FUS: variants seen among roughly 807,000 people sequenced by gnomAD.
FUS encodes FUS RNA binding protein.
A neutral mutation model predicts 82.7 loss-of-function variants in FUS; 5 were observed. The ratio of observed to expected loss-of-function variants is 0.06; its 90% confidence interval spans 0.03 to 0.13. The LOEUF (loss-of-function observed/expected upper bound fraction) is 0.13. Among genes scored for constraint, FUS ranks in the 10% least tolerant of loss-of-function variants. The pLI is 1.00. For synonymous variants in FUS, 281 were observed against 247.4 expected, an observed-to-expected ratio of 1.14 and a Z score of -1.27; for missense variants, 512 against 707.8, an observed-to-expected ratio of 0.72 and a Z score of 3.14.
rs767027467 is a variant in FUS at position 31,190,121 on chromosome 16, G to C, written c.1148G>C (p.Arg383Pro). 1 of 1,614,206 alleles carries C rather than the reference G, an allele frequency of 6.2e-7. No individual in the cohort carries two copies. The highest frequency in any genetic ancestry group is 1.7e-5 in the Admixed American group (1 of 60,026). Residue 383 changes from arginine to proline, a missense_variant, in exon 11 of 15, where the codon CGT (arginine) becomes CCT (proline). By Grantham distance (103) the Arg-to-Pro change is moderately radical. Around this residue, in one of 6 missense-constraint regions of FUS, gnomAD observed 63 missense variants for 83.0 expected, o/e 0.76. Transcript: ENST00000254108. ...ADFNRGGGNGRGGRGRGGPMG... is the reference protein window; with the variant it reads ...ADFNRGGGNGPGGRGRGGPMG... ...TTTAATCGGGGTGGTGGCAATGGTC[G>C]TGGAGGCCGAGGGCGAGGAGGTGAG...
At chr16:31,194,817 T>C (rs1211701826), downstream of FUS, 1 of 479,130 alleles carries the variant, frequency 2.1e-6, no homozygotes, top group Non-Finnish European at 4.1e-6. Flanking sequence ...GTTTTGTGAA[T>C]AATCAGACCA....
downstream of FUS, chr16:31,192,242 C>G (rs1358169695): frequency 7.6e-6 from 4 of 526,234 alleles, no homozygotes; most frequent in South Asian, 4.6e-5. Flanking sequence ...TAGGCTTGAT[C>G]CCTTTTTGAT....
chr16:31,186,971 G>A, intron 7 of FUS, 135 bp downstream of exon 7: 3 of 841,216 alleles, frequency 3.6e-6, no homozygotes, highest in East Asian at 2.5e-5. Context: ...GAAAGGGGTA[G>A]GGTAGAATGC....
At chr16:31,184,101 G>A in intron 4 of FUS, 99 bp downstream of exon 4, 1 of 1,612,296 alleles carries the variant, frequency 6.2e-7, no homozygotes, top group East Asian at 2.2e-5. Flanking sequence ...AGGTGTAATT[G>A]GGGTAGGGGA....
At chr16:31,190,603 ACT>A (rs1468071754) in intron 12 of FUS, 137 bp from the exon 13 acceptor site, 7 of 1,164,170 alleles carry the variant, frequency 6.0e-6, no homozygotes, top group African/African-American at 3.0e-5. Context: ...TTTGTTCCTG[ACT>A]CTGAGAAGCA....
At chr16:31,186,062 A>ATG (rs1490372248) in intron 6 of FUS, 1 of 236,754 alleles carries the variant, frequency 4.2e-6, no homozygotes, top group East Asian at 6.0e-5. Context: ...CAATCTCAAA[A>ATG]ACGTGCAAAA....
At chr16:31,192,921 T>C (rs1567481485), downstream of FUS, 1 of 485,052 alleles carries the variant, frequency 2.1e-6, no homozygotes, top group Non-Finnish European at 4.1e-6. Flanking sequence ...TACTGAAGAG[T>C]TGCTGCATCC....
At chr16:31,187,783 A>G in intron 7 of FUS, 1 of 237,758 alleles carries the variant, frequency 4.2e-6, no homozygotes, top group Non-Finnish European at 8.3e-6. Context: ...AAAAAATACA[A>G]TAGCTATTAT....
chr16:31,191,451 C>G lies in FUS; in HGVS notation c.*13C>G. 6.2e-7 allele frequency: 1 copy of G among 1,613,456 alleles called. No homozygotes were observed. Among genetic ancestry groups the G allele is most frequent in the Non-Finnish European group, 8.5e-7 (1 of 1,179,764 alleles). ...GAGGCCGTATTAATTAGCCTGGCTC[C>G]CCAGGTTCTGGAACAGCTTTTTGTC... On this transcript the variant is annotated 3_prime_UTR_variant, in exon 15 of 15. Coordinates refer to ENST00000254108, the MANE Select transcript of FUS (RefSeq NM_004960.4).
chr16:31,181,665 C>G (rs1478157767), intron 1 of FUS, among the ~76,000 whole-genome samples: 1 of 152,198 alleles, frequency 6.6e-6, no homozygotes, highest in African/African-American at 2.4e-5. Flanking sequence ...AATCTGAACA[C>G]TGTTCGAATT....
intron 6 of FUS, chr16:31,185,529 C>T (rs1354125898): frequency 7.0e-6 from 4 of 568,034 alleles, no homozygotes; most frequent in Non-Finnish European, 1.3e-5. Context: ...CCGATGATCC[C>T]ACTCCTGGGA....
intron 2 of FUS, 28 bp from the exon 3 acceptor site, chr16:31,182,485 T>C: frequency 1.2e-6 from 2 of 1,614,224 alleles, no homozygotes; most frequent in South Asian, 2.2e-5. Context: ...CCATGTTTTC[T>C]GATCACGCTG....
intron 7 of FUS, 136 bp from the exon 8 acceptor site, chr16:31,188,189 T>G (rs1265003383): frequency 6.6e-6 from 6 of 910,018 alleles, no homozygotes; most frequent in Non-Finnish European, 1.0e-5. Context: ...AGTGAGGCTG[T>G]GAGCACTTAC....
In FUS at chr16:31,188,777, T is replaced by G. The variant is rs900342465; in HGVS notation, c.833-346T>G. The G allele has an allele frequency of 1.3e-5, 6 of 469,210 alleles. No individual in the cohort carries two copies. The Admixed American group carries it at 2.4e-4, about 18-fold the overall frequency. 29.1% of individuals were successfully genotyped at this position (469,210 alleles called of 1,614,324 possible). On this transcript the variant is annotated intron_variant, in intron 8 of 14. Transcript: ENST00000254108. The stretch of plus-strand genomic sequence containing the variant: ...TGTATTGATGTTTGTGTACTAGATT[T>G]GAATGTAAAATGGGTTTCTTATTTA...
chr16:31,184,380 T>A lies in FUS; in HGVS notation c.507T>A (p.Gly169=). 6.2e-7 allele frequency: 1 copy of A among 1,611,798 alleles called. No individual in the cohort carries two copies. The highest frequency in any genetic ancestry group is 8.5e-7 in the Non-Finnish European group (1 of 1,179,188). ...ACAACAGCAGCAGTGGTGGTGGAGGTGGAGGTGGAGGTGGAGGTGAGATGT... is the reference window on the plus strand; with the variant it reads ...ACAACAGCAGCAGTGGTGGTGGAGGAGGAGGTGGAGGTGGAGGTGAGATGT... ...NQYNSSSGGG[G]GGGGGGNYGQ... Residue 169 remains glycine, a synonymous_variant, in exon 5 of 15, where the codon GGT becomes GGA. Transcript: ENST00000254108.
chr16:31,181,222 T>C (rs1437581691), intron 1 of FUS, among the ~76,000 whole-genome samples: 2 of 152,200 alleles, frequency 1.3e-5, no homozygotes, highest in Admixed American at 6.5e-5. Context: ...GGTCTAAATT[T>C]CTTTTTTCTG....
intron 7 of FUS, 93 bp downstream of exon 7, chr16:31,186,929 C>T: frequency 7.5e-7 from 1 of 1,330,748 alleles, no homozygotes; most frequent in South Asian, 1.2e-5. Flanking sequence ...ATTTAAATGT[C>T]AAAGGTTTTG....
In FUS at chr16:31,183,850, C is replaced by T. The variant is rs746944709; in HGVS notation, c.191-8C>T. ...GCTTTTGTGACTCCCTTTTTCTTATCCTGGTAGCAGGCTATGGAACTCAGT... is the reference window on the plus strand; with the variant it reads ...GCTTTTGTGACTCCCTTTTTCTTATTCTGGTAGCAGGCTATGGAACTCAGT... On this transcript the variant is annotated splice_polypyrimidine_tract_variant and splice_region_variant and intron_variant, in intron 3 of 14. Transcript: ENST00000254108. 2 of 1,614,114 alleles carry T rather than the reference C, an allele frequency of 1.2e-6. No individual in the cohort carries two copies. The highest frequency in any genetic ancestry group is 1.1e-5 in the South Asian group (1 of 91,078).
Position 31,183,864 on chromosome 16 carries a change from A to G in FUS, c.197A>G (p.Tyr66Cys). 9.3e-6 allele frequency: 15 copies of G among 1,614,072 alleles called. No homozygotes were observed. Among genetic ancestry groups the G allele is most frequent in the Non-Finnish European group, 1.3e-5 (15 of 1,180,014 alleles). ...CTTTTTCTTATCCTGGTAGCAGGCT[A>G]TGGAACTCAGTCAACTCCCCAGGGA... ...SSYGQSQNTGYGTQSTPQGYG... is the reference protein window; with the variant it reads ...SSYGQSQNTGCGTQSTPQGYG... Residue 66 changes from tyrosine (Y) to cysteine (C), a missense_variant, in exon 4 of 15, where the codon TAT becomes TGT. Transcript: ENST00000254108.
Sources: allele counts gnomAD v4.1 joint callset (sites outside exome capture counted in the v4.1 genomes callset), GRCh38; gene constraint gnomAD v4.1.1; regional missense constraint gnomAD v4.1.1; transcripts MANE v1.5; gene names NCBI Gene and HGNC (gene_info 2026-07-23, HGNC 2026-07-21).